The following FASN variants were observed in gnomAD, a reference collection of about 807,000 sequenced individuals.
FASN encodes 3-hydroxyacyl-[acyl-carrier-protein] dehydratase.
In FASN, 50 loss-of-function variants were observed where a neutral mutation model predicts 250.0. The observed-to-expected ratio is 0.20, with a 90% confidence interval of 0.16 to 0.25. FASN has a LOEUF of 0.25. Ranked by LOEUF, FASN falls within the 10% of genes least tolerant of loss-of-function variation. The pLI, the probability that FASN is intolerant of heterozygous loss-of-function variation, is 1.00. For missense variants in FASN, 3,031 were observed against 3,498.5 expected (o/e 0.87, Z 3.37); for synonymous variants, 1,909 against 1,584.0 (o/e 1.21, Z -4.87).
chr17:82,091,756 T>C, intron 8 of FASN, 72 bp from the exon 9 acceptor site: 1 of 1,334,898 alleles, frequency 7.5e-7, no homozygotes. Context: ...GGCAGGCACC[T>C]CCCCGAGACT....
chr17:82,082,076 G>A lies in FASN; in HGVS notation c.6096C>T (p.Ser2032=), dbSNP rs1204077723. The A allele has an allele frequency of 1.2e-6, 2 of 1,609,980 alleles. No individual in the cohort carries two copies. Among genetic ancestry groups the A allele is most frequent in the Non-Finnish European group, 1.7e-6 (2 of 1,179,984 alleles). ...TGGCGGAATTGGCAAAGCCGTAGTT[G>A]CTCTGTCCCGCATTGCCACGCCCGC... ...VSCGRGNAGQ[S]NYGFANSAME... is the part of the protein sequence containing the mutation. Residue 2032 remains serine, a synonymous_variant, in exon 36 of 43, where the codon AGC becomes AGT. Coordinates refer to ENST00000306749, the MANE Select transcript of FASN (RefSeq NM_004104.5).
Position 82,091,360 on chromosome 17 carries a change from T to C in FASN, c.1354A>G (p.Ser452Gly), listed in dbSNP as rs2034203749. Reference sequence around the variant, plus strand: ...ACAGCCGCGATGTCGTTCAGCATGCTCAGGAAAGCCAGGTCCTGGCTGTGC... The same window carrying C: ...ACAGCCGCGATGTCGTTCAGCATGCCCAGGAAAGCCAGGTCCTGGCTGTGC... The part of the protein sequence containing the change: ...LRHSQDLAFL[S>G]MLNDIAAVPA... Residue 452 changes from serine to glycine, a missense_variant, in exon 9 of 43, where the codon AGC becomes GGC. By Grantham distance (56) the Ser-to-Gly change is moderately conservative (BLOSUM62 0). Coordinates refer to ENST00000306749, the MANE Select transcript of FASN (RefSeq NM_004104.5). 17 of 1,610,998 alleles carry C rather than the reference T, an allele frequency of 1.1e-5. No individual in the cohort carries two copies. The highest frequency in any genetic ancestry group is 1.4e-5 in the Non-Finnish European group (17 of 1,179,306).
In FASN at chr17:82,093,512, G is replaced by A. The variant is rs544443396; in HGVS notation, c.454+86C>T. The A allele has an allele frequency of 4.0e-5, 64 of 1,597,448 alleles. No individual in the cohort carries two copies. In the Admixed American group the frequency reaches 4.6e-4, roughly 11 times the overall value. The stretch of plus-strand genomic sequence containing the variant: ...CCACCAGGCTGGACACACACTGCAC[G>A]GAGTGAGCCCACGCCACGTGGTTTC... On this transcript the variant is annotated intron_variant, in intron 4 of 42. Transcript: ENST00000306749.
In FASN at chr17:82,089,166, G is replaced by A. The variant is rs768238548; in HGVS notation, c.2107C>T (p.Arg703Trp). The part of the protein sequence containing the change: ...PLLQELKKVI[R>W]EPKPRSARWL... ...CGGGCTGAACGTGGCTTCGGCTCCC[G>A]GATCACCTGCATGAGGGGCCAGGTC... Residue 703 changes from arginine to tryptophan, a missense_variant, in exon 14 of 43, where the codon CGG (arginine) becomes TGG (tryptophan). Arg to Trp is a moderately radical substitution (Grantham distance 101). Transcript: ENST00000306749. 3.9e-5 allele frequency: 62 copies of A among 1,579,156 alleles called. No individual in the cohort carries two copies. Among genetic ancestry groups the A allele is most frequent in the East Asian group, 7.1e-5 (3 of 42,318 alleles).
At chr17:82,088,351 G>A (rs768221803) in intron 16 of FASN, 39 bp downstream of exon 16, 19 of 1,610,846 alleles carry the variant, frequency 1.2e-5, no homozygotes, top group Non-Finnish European at 1.5e-5. Context: ...GCGTCTGTGG[G>A]GAGGGAAGAG....
At chr17:82,080,943 G>A (rs1443887271) in intron 38 of FASN, 21 bp from the exon 39 acceptor site, 2 of 1,582,688 alleles carry the variant, frequency 1.3e-6, no homozygotes, top group Non-Finnish European at 1.7e-6. Flanking sequence ...AGGGGCAGAT[G>A]CCAGGCTGGT....
In FASN at chr17:82,092,565, C is replaced by A. The variant is rs777021943; in HGVS notation, c.919G>T (p.Gly307Cys). 6.2e-7 allele frequency: 1 copy of A among 1,607,102 alleles called. No individual in the cohort carries two copies. The highest frequency in any genetic ancestry group is 2.2e-5 in the East Asian group (1 of 44,802). The change falls in exon 8 of 43, where the codon GGC (glycine) becomes TGC (cysteine). Residue 307 changes from glycine to cysteine, a missense_variant. Physicochemically the swap from Gly to Cys is radical, Grantham distance 159 (BLOSUM62 -3). Coordinates refer to ENST00000306749, the MANE Select transcript of FASN (RefSeq NM_004104.5). The stretch of plus-strand genomic sequence containing the variant: ...GTGGCGCACAGGGCTCGGGTGATGC[C>A]ATTCAGCTCCTGGGGGTCGCCCACC... ...TKVGDPQELN[G>C]ITRALCATRQ... is the part of the protein sequence containing the mutation.
rs2034100226 is a variant in FASN, at chr17:82,086,406, G to A, written c.3580C>T (p.Leu1194=). ...AGCACCTGCGCCAGCTCCAGCTGCA[G>A]GTTCCCGTTGAGCTGAAGCCTGCAG... is the stretch of plus-strand genomic sequence containing the variant. ...AACRLQLNGN[L]QLELAQVLAQ... is the part of the protein sequence containing the mutation. The change falls in exon 22 of 43, where the codon CTG becomes TTG. Residue 1194 remains leucine, a synonymous_variant. Coordinates refer to ENST00000306749, the MANE Select transcript of FASN (RefSeq NM_004104.5). 1 of 1,610,958 alleles carries A rather than the reference G, an allele frequency of 6.2e-7. No homozygotes were observed. Among genetic ancestry groups the A allele is most frequent in the African/African-American group, 1.3e-5 (1 of 74,930 alleles).
chr17:82,088,126 C>G lies in FASN; in HGVS notation c.2775G>C (p.Leu925=). The G allele has an allele frequency of 6.2e-7, 1 of 1,612,806 alleles. No individual in the cohort carries two copies. The highest frequency in any genetic ancestry group is 1.1e-5 in the South Asian group (1 of 91,084). ...TGGGGTACCCCTCACCAGTCTTGGG[C>G]AGGATGGTGGCCTGGTGCAGCACCA... ...EDVVLHQATI[L]PKTGTVSLEV... is the part of the protein sequence containing the mutation. Residue 925 remains leucine (L), a synonymous_variant, in exon 17 of 43, where the codon CTG becomes CTC. Coordinates refer to ENST00000306749, the MANE Select transcript of FASN (RefSeq NM_004104.5).
intron 12 of FASN, 55 bp from the exon 13 acceptor site, chr17:82,089,439 C>A: frequency 1.2e-6 from 2 of 1,612,284 alleles, no homozygotes; most frequent in Non-Finnish European, 1.7e-6. Context: ...ACCTCAGGCT[C>A]GGAGAGGTAG....
At chr17:82,095,175 A>C (rs1598585161) in intron 3 of FASN, 145 bp downstream of exon 3, 1 of 991,342 alleles carries the variant, frequency 1.0e-6, no homozygotes, top group East Asian at 2.4e-5. Flanking sequence ...CACCTCCCTG[A>C]GCCCGTTGGC....
At chr17:82,095,040 A>AGCCCCG (rs1373175796) in intron 3 of FASN, among the ~76,000 whole-genome samples, 14 of 152,102 alleles carry the variant, frequency 9.2e-5, no homozygotes, top group African/African-American at 2.7e-4. Context: ...TCGTCACTCC[A>AGCCCCG]GCCCCGGCCC....
intron 22 of FASN, 53 bp downstream of exon 22, chr17:82,086,201 G>C (rs1362747852): frequency 1.3e-6 from 2 of 1,535,070 alleles, no homozygotes; most frequent in Admixed American, 3.9e-5. Context: ...CTGATGTCAG[G>C]GTGGGTCCTA....
At position 82,081,851 on chromosome 17, in the gene FASN, G is replaced by C. The variant is rs76966965; in HGVS notation, c.6164-8C>G. On this transcript the variant is annotated splice_region_variant and splice_polypyrimidine_tract_variant and intron_variant, in intron 36 of 42. Coordinates refer to ENST00000306749, the MANE Select transcript of FASN (RefSeq NM_004104.5). ...CCCACTGCACGGCCAGGCCTGTGGG[G>C]GAGGGGGCAGGTGGGCAGAGCTGCG... 6,649 of 1,599,194 alleles carry C rather than the reference G, an allele frequency of 4.2e-3. 241 individuals are homozygous for C. In the African/African-American group the frequency reaches 0.08, roughly 19 times the overall value.
chr17:82,088,715 CGT>C, intron 15 of FASN, 44 bp downstream of exon 15: 1 of 1,571,444 alleles, frequency 6.4e-7, no homozygotes, highest in Non-Finnish European at 8.7e-7. Context: ...CACCCCACGC[CGT>C]CCCCGACTCC....
At position 82,085,657 on chromosome 17, in the gene FASN, T is replaced by C; in HGVS notation, c.3947A>G (p.Asn1316Ser). The change falls in exon 23 of 43, where the codon AAC (asparagine) becomes AGC (serine). Residue 1316 changes from asparagine (N) to serine (S), a missense_variant. Physicochemically the swap from Asn to Ser is conservative, Grantham distance 46. Coordinates refer to ENST00000306749, the MANE Select transcript of FASN (RefSeq NM_004104.5). ...GTCCCCGAGGGCAGCCACAGCACAG[T>C]TGCACACCAGGAGGTCGGCGCTGCC... Reference protein sequence around the residue: ...ALGSADLLVCNCAVAALGDPA... With the variant: ...ALGSADLLVCSCAVAALGDPA... The C allele has an allele frequency of 1.9e-6, 3 of 1,591,960 alleles. No homozygotes were observed. Among genetic ancestry groups the C allele is most frequent in the Non-Finnish European group, 2.6e-6 (3 of 1,170,102 alleles).
intron 33 of FASN, 31 bp from the exon 34 acceptor site, chr17:82,082,709 G>T: frequency 6.2e-7 from 1 of 1,603,940 alleles, no homozygotes; most frequent in Non-Finnish European, 8.5e-7. Flanking sequence ...GGCTGGACTG[G>T]GCCAGGGTAC....
intron 23 of FASN, 23 bp from the exon 24 acceptor site, chr17:82,085,425 C>T (rs2034077644): frequency 1.2e-6 from 2 of 1,603,582 alleles, no homozygotes; most frequent in Non-Finnish European, 1.7e-6. Flanking sequence ...TGGTCAGCAC[C>T]CTGCCCGCCT....
rs1555668215 is a variant in FASN at position 82,089,004 on chromosome 17, C to T, written c.2269G>A (p.Val757Met). 2 of 1,609,444 alleles carry T rather than the reference C, an allele frequency of 1.2e-6. No individual in the cohort carries two copies. The highest frequency in any genetic ancestry group is 1.3e-5 in the African/African-American group (1 of 74,890). The change falls in exon 14 of 43, where the codon GTG (valine) becomes ATG (methionine). Residue 757 changes from valine (V) to methionine (M), a missense_variant. Coordinates refer to ENST00000306749, the MANE Select transcript of FASN (RefSeq NM_004104.5). ...GCGTGGGGCGCGATCTCCAGCACCA[C>T]CGCGTGCTCAGGCACGTGCCACAGG... ...EALWHVPEHA[V>M]VLEIAPHALL...
Sources: allele counts gnomAD v4.1 joint callset (sites outside exome capture counted in the v4.1 genomes callset), GRCh38; gene constraint gnomAD v4.1.1; transcripts MANE v1.5; gene names NCBI Gene and HGNC (gene_info 2026-07-23, HGNC 2026-07-21).